The following TBCD variants were observed in gnomAD, a reference collection of about 807,000 sequenced individuals.
TBCD encodes the protein tubulin folding cofactor D.
Under a neutral mutation model 169.3 loss-of-function variants are expected in TBCD, and 105 were observed. That is an observed-to-expected ratio of 0.62 (90% CI 0.53 to 0.73). TBCD has a LOEUF of 0.73. Among genes scored for constraint, TBCD ranks in the 30% least tolerant of loss-of-function variants. The probability of loss-of-function intolerance (pLI) is 0.00; values close to 1 mark genes in which losing one functional copy is unlikely to be tolerated. For synonymous variants in TBCD, 700 were observed against 643.9 expected (o/e 1.09, Z -1.32); for missense variants, 1,444 against 1,600.1 (o/e 0.90, Z 1.66).
intron 13 of TBCD, chr17:82,860,279 G>A: frequency 6.4e-6 from 5 of 784,674 alleles, no homozygotes; most frequent in Non-Finnish European, 7.7e-6. Context: ...GCTTCAGGGA[G>A]GGCCCCCGCC....
chr17:82,839,380 T>G lies in TBCD; in HGVS notation c.1318+24446T>G, dbSNP rs575339605. 3.6e-4 allele frequency among the ~76,000 whole-genome samples: 54 copies of G among 151,450 alleles called. No homozygotes were observed. In the South Asian group the frequency reaches 3.7e-3, roughly 11 times the overall value. ...ATATATAACCCTAAATTCAGCCTAA[T>G]GTACATACACCACACATATATATAA... On this transcript the variant is annotated intron_variant, in intron 13 of 38. Transcript: ENST00000355528.
intron 33 of TBCD, chr17:82,932,265 A>G (rs924187283): frequency 1.7e-5 from 6 of 356,164 alleles, no homozygotes; most frequent in Non-Finnish European, 2.7e-5. Flanking sequence ...CTTACATGGT[A>G]TAGCGTCGGC....
chr17:82,752,340 C>A lies in TBCD; in HGVS notation c.147C>A (p.Gly49=). 1.4e-6 allele frequency: 2 copies of A among 1,412,674 alleles called. No homozygotes were observed. Among genetic ancestry groups the A allele is most frequent in the South Asian group, 1.5e-5 (1 of 66,152 alleles). 87.5% of individuals were successfully genotyped at this position (1,412,674 alleles called of 1,614,324 possible). The change falls in exon 1 of 39, where the codon GGC becomes GGA. Residue 49 remains glycine, a synonymous_variant. Transcript: ENST00000355528. ...LLGRLREVHG[G]GAEREVALER... ...GCCGCCTGCGGGAGGTGCACGGCGG[C>A]GGCGCGGAGCGCGAGGTGGCCCTGG...
intron 38 of TBCD, 100 bp downstream of exon 38, chr17:82,941,583 C>A: frequency 9.4e-7 from 1 of 1,062,984 alleles, no homozygotes. Context: ...AGCACGTCCA[C>A]ACGGCCCGTT....
chr17:82,891,318 T>C (rs1019504682), intron 16 of TBCD, among the ~76,000 whole-genome samples: 11 of 152,284 alleles, frequency 7.2e-5, no homozygotes, highest in African/African-American at 2.4e-4. Context: ...AGCCAGAAAA[T>C]GGGATATTCC....
Position 82,831,772 on chromosome 17 carries a change from A to T in TBCD, c.1318+16838A>T, listed in dbSNP as rs774672020. ...GTGCATGTAAGGGGAAATGGCCCCAAGCCCCTTTGTAGATGAGATTTTATG... is the reference window on the plus strand; with the variant it reads ...GTGCATGTAAGGGGAAATGGCCCCATGCCCCTTTGTAGATGAGATTTTATG... On this transcript the variant is annotated intron_variant, in intron 13 of 38. Transcript: ENST00000355528. The surrounding 1 kb of genome is among the most constrained non-coding windows in gnomAD (Gnocchi z 4.6). The T allele has an allele frequency of 1.2e-5, 20 of 1,614,220 alleles. No homozygotes were observed. Among genetic ancestry groups the T allele is most frequent in the Non-Finnish European group, 1.6e-5 (19 of 1,180,034 alleles).
intron 17 of TBCD, 38 bp from the exon 18 acceptor site, chr17:82,900,612 CT>C (rs752934570): frequency 3.9e-6 from 6 of 1,553,562 alleles, no homozygotes; most frequent in Non-Finnish European, 5.3e-6. Context: ...AGTTCTCGTT[CT>C]TCCGCGTCTC....
rs561328222 is a variant in TBCD, at chr17:82,803,589, C to T, written c.951-2286C>T. 4.6e-5 allele frequency among the ~76,000 whole-genome samples: 7 copies of T among 152,292 alleles called. No homozygotes were observed. The South Asian group carries it at 8.3e-4, about 18-fold the overall frequency. On this transcript the variant is annotated intron_variant, in intron 9 of 38. Coordinates refer to ENST00000355528, the MANE Select transcript of TBCD (RefSeq NM_005993.5). ...TGCTTCCTGGGCTGTTTCCTTGGTA[C>T]GGTGTAGAAAGTACCCCTGCGGGGA...
At chr17:82,843,475 A>G (rs1421002954) in intron 13 of TBCD, among the ~76,000 whole-genome samples, 1 of 85,534 alleles carries the variant, frequency 1.2e-5, no homozygotes, top group Non-Finnish European at 2.1e-5. Flanking sequence ...CGTCCAGCTT[A>G]CTTACCCTTC....
chr17:82,927,096 T>C, intron 28 of TBCD, 90 bp from the exon 29 acceptor site: 1 of 1,567,154 alleles, frequency 6.4e-7, no homozygotes, highest in South Asian at 1.2e-5. Context: ...GCGTGTCTTC[T>C]CAGGATCAGG....
In TBCD at chr17:82,889,396, C is replaced by T. The variant is rs1329980023; in HGVS notation, c.1534-272C>T. Reference sequence around the variant, plus strand: ...TCTGAGTTGACAGCCGGGGCCTCCGCGTGGGTGCTGCTGGGAGGCTCAGTG... The same window carrying T: ...TCTGAGTTGACAGCCGGGGCCTCCGTGTGGGTGCTGCTGGGAGGCTCAGTG... On this transcript the variant is annotated intron_variant, in intron 15 of 38. Coordinates refer to ENST00000355528, the MANE Select transcript of TBCD (RefSeq NM_005993.5). This position sits in a 1 kb window ranked among gnomAD's most constrained non-coding sequence, Gnocchi z 5.3. Among the ~76,000 whole-genome samples, 12 of 152,134 alleles carry T rather than the reference C, an allele frequency of 7.9e-5. 1 individual carries two copies. Among genetic ancestry groups the T allele is most frequent in the Admixed American group, 5.2e-4 (8 of 15,290 alleles).
At chr17:82,850,418 C>CTGT (rs1298066450) in intron 13 of TBCD, among the ~76,000 whole-genome samples, 240 of 89,400 alleles carry the variant, frequency 2.7e-3, no homozygotes, top group African/African-American at 6.3e-3. Flanking sequence ...GTTGGCTGTG[C>CTGT]TGTTGGCTGT....
chr17:82,904,470 A>G (rs1331138924), intron 19 of TBCD, among the ~76,000 whole-genome samples: 1 of 152,268 alleles, frequency 6.6e-6, no homozygotes, highest in Non-Finnish European at 1.5e-5. Flanking sequence ...GGGAGACTCA[A>G]AGTCTGCCCA....
At chr17:82,787,484 G>A (rs562107151) in intron 7 of TBCD, among the ~76,000 whole-genome samples, 1 of 152,332 alleles carries the variant, frequency 6.6e-6, no homozygotes, top group South Asian at 2.1e-4. Context: ...TCTTGGAAGG[G>A]TCCGTTTGGT....
chr17:82,871,811 G>A (rs890874488), intron 14 of TBCD, among the ~76,000 whole-genome samples: 16 of 152,230 alleles, frequency 1.1e-4, no homozygotes, highest in Non-Finnish European at 1.9e-4. Context: ...CTTTGATCTC[G>A]TGGGGCTTCG....
In TBCD at chr17:82,832,165, G is replaced by A. The variant is rs757935341; in HGVS notation, c.1318+17231G>A. On this transcript the variant is annotated intron_variant, in intron 13 of 38. Coordinates refer to ENST00000355528, the MANE Select transcript of TBCD (RefSeq NM_005993.5). This position sits in a 1 kb window ranked among gnomAD's most constrained non-coding sequence, Gnocchi z 4.9. ...GCTGTGCTGAAGCTTCGAGTCGAAG[G>A]CAGAGAGTCCATTTGCGACAGACTT... 1.2e-6 allele frequency: 2 copies of A among 1,614,264 alleles called. No homozygotes were observed. The highest frequency in any genetic ancestry group is 1.7e-6 in the Non-Finnish European group (2 of 1,180,046).
In TBCD at chr17:82,752,167, C is replaced by A; in HGVS notation, c.-27C>A. 3 of 1,498,528 alleles carry A rather than the reference C, an allele frequency of 2.0e-6. No homozygotes were observed. The highest frequency in any genetic ancestry group is 2.8e-5 in the East Asian group (1 of 35,464). The allele number at this position is 1,498,528 out of a possible 1,614,324, so 92.8% of individuals were successfully genotyped here. On this transcript the variant is annotated 5_prime_UTR_variant, in exon 1 of 39. Coordinates refer to ENST00000355528, the MANE Select transcript of TBCD (RefSeq NM_005993.5). ...GAGTGGGATCTGCGAACACGTGAGGCGGGGGCGCGGTCCCCAGGCTGCCGA... is the reference window on the plus strand; with the variant it reads ...GAGTGGGATCTGCGAACACGTGAGGAGGGGGCGCGGTCCCCAGGCTGCCGA...
intron 37 of TBCD, 88 bp downstream of exon 37, chr17:82,939,564 C>T (rs150882414): frequency 2.0e-5 from 21 of 1,068,818 alleles, no homozygotes; most frequent in East Asian, 2.6e-5. Flanking sequence ...TCTCCCAAAA[C>T]CCTCTGATAG....
chr17:82,849,780 C>G (rs1414378907), intron 13 of TBCD, among the ~76,000 whole-genome samples: 1 of 152,266 alleles, frequency 6.6e-6, no homozygotes, highest in South Asian at 2.1e-4. Context: ...GCAGGACCTT[C>G]TGCTGGAACC....
Sources: allele counts gnomAD v4.1 joint callset (sites outside exome capture counted in the v4.1 genomes callset), GRCh38; gene constraint gnomAD v4.1.1; non-coding constraint Gnocchi (gnomAD v3.1); transcripts MANE v1.5; gene names NCBI Gene and HGNC (gene_info 2026-07-23, HGNC 2026-07-21).